Variants in SHROOM3 observed in about 807,000 individuals in gnomAD.
SHROOM3 encodes protein Shroom3.
Under a neutral mutation model 138.6 loss-of-function variants are expected in SHROOM3, and 47 were observed. The ratio of observed to expected loss-of-function variants is 0.34; its 90% CI spans 0.27 to 0.43. SHROOM3 has a LOEUF of 0.43. Among genes scored for constraint, SHROOM3 ranks in the 20% least tolerant of loss-of-function variants. The pLI, the probability that SHROOM3 is intolerant of heterozygous loss-of-function variation, is 1.00. For missense variants in SHROOM3, 2,491 were observed against 2,596.5 expected (o/e 0.96, Z 0.88); for synonymous variants, 1,062 against 1,063.3 (o/e 1.00, Z 0.02).
At chr4:76,761,404 T>C (rs1721984679) in intron 9 of SHROOM3, among the ~76,000 whole-genome samples, 1 of 152,238 alleles carries the variant, frequency 6.6e-6, no homozygotes, top group Non-Finnish European at 1.5e-5. Flanking sequence ...AAGTGTGGGC[T>C]ATGTATTTGA....
At chr4:76,688,960 G>GAT in intron 2 of SHROOM3, 1 of 830,154 alleles carries the variant, frequency 1.2e-6, no homozygotes, top group Non-Finnish European at 1.4e-6. Flanking sequence ...TGTAATGCGA[G>GAT]CTTTTTTTTT....
chr4:76,442,075 T>A (rs1034309901), intron 1 of SHROOM3, among the ~76,000 whole-genome samples: 1 of 152,250 alleles, frequency 6.6e-6, no homozygotes, highest in African/African-American at 2.4e-5. Flanking sequence ...AGGTAGTTGT[T>A]TGCATTTGGC....
chr4:76,671,295 C>T (rs1038595987), intron 2 of SHROOM3, among the ~76,000 whole-genome samples: 1 of 152,250 alleles, frequency 6.6e-6, no homozygotes, highest in African/African-American at 2.4e-5. Context: ...GTGTCCACTA[C>T]AACCATAGTG....
At chr4:76,693,236 A>G (rs1353880968) in intron 2 of SHROOM3, among the ~76,000 whole-genome samples, 1 of 152,172 alleles carries the variant, frequency 6.6e-6, no homozygotes, top group African/African-American at 2.4e-5. Flanking sequence ...TGATAAATAT[A>G]ATATGTGATT....
At chr4:76,558,269 T>G (rs999924814) in intron 2 of SHROOM3, among the ~76,000 whole-genome samples, 2 of 152,214 alleles carry the variant, frequency 1.3e-5, no homozygotes, top group Non-Finnish European at 2.9e-5. Flanking sequence ...TGAAATCTGG[T>G]CTGGTTATTT....
intron 4 of SHROOM3, among the ~76,000 whole-genome samples, chr4:76,735,041 T>A (rs965101564): frequency 4.6e-5 from 7 of 152,148 alleles, no homozygotes; most frequent in African/African-American, 1.7e-4. Flanking sequence ...TTTCCTGGGT[T>A]TGAGTTTCAA....
Position 76,710,145 on chromosome 4 carries a change from A to G in SHROOM3, c.324-11A>G, listed in dbSNP as rs1253578995. ...ATCATGCTCAGCTTCTTCTTTTCCTATTGTTGACAGAGATGTGTGCACAGA... is the reference window on the plus strand; with the variant it reads ...ATCATGCTCAGCTTCTTCTTTTCCTGTTGTTGACAGAGATGTGTGCACAGA... On this transcript the variant is annotated splice_polypyrimidine_tract_variant and intron_variant, in intron 2 of 10. Coordinates refer to ENST00000296043, the MANE Select transcript of SHROOM3 (RefSeq NM_020859.4). 5.6e-6 allele frequency: 9 copies of G among 1,613,604 alleles called. No homozygotes were observed. The highest frequency in any genetic ancestry group is 5.3e-5 in the African/African-American group (4 of 74,820).
intron 2 of SHROOM3, among the ~76,000 whole-genome samples, chr4:76,605,687 A>G (rs1577913857): frequency 6.6e-6 from 1 of 152,156 alleles, no homozygotes; most frequent in Admixed American, 6.5e-5. Context: ...AGAGGGGGAA[A>G]ATATTTTTTC....
intron 2 of SHROOM3, among the ~76,000 whole-genome samples, chr4:76,654,806 A>G (rs1056999367): frequency 6.6e-6 from 1 of 152,164 alleles, no homozygotes; most frequent in African/African-American, 2.4e-5. Context: ...TAGTGATGGT[A>G]ATTATTGTAT....
intron 2 of SHROOM3, among the ~76,000 whole-genome samples, chr4:76,639,033 G>A (rs982487613): frequency 3.3e-5 from 5 of 152,080 alleles, no homozygotes; most frequent in African/African-American, 7.2e-5. Context: ...TGTAGATACC[G>A]AAGTGAGCTT....
intron 1 of SHROOM3, among the ~76,000 whole-genome samples, chr4:76,488,944 C>T (rs1731793548): frequency 6.6e-6 from 1 of 152,224 alleles, no homozygotes; most frequent in African/African-American, 2.4e-5. Flanking sequence ...AATGTGAGCC[C>T]AGGTGGTCTA....
chr4:76,467,830 A>C (rs1731278757), intron 1 of SHROOM3, among the ~76,000 whole-genome samples: 1 of 152,192 alleles, frequency 6.6e-6, no homozygotes. Context: ...GGCTTGAGGG[A>C]AGTTAGTACC....
In SHROOM3 at chr4:76,774,708, G is replaced by GTTT. The variant is rs1158392432; in HGVS notation, c.5622+3810_5622+3811insTTT. Among the ~76,000 whole-genome samples the GTTT allele has an allele frequency of 4.5e-5, 6 of 133,470 alleles. 1 individual carries two copies. Among genetic ancestry groups the GTTT allele is most frequent in the Non-Finnish European group, 4.9e-5 (3 of 61,302 alleles). 87.6% of individuals were successfully genotyped at this position (133,470 alleles called of 152,430 possible). ...AATTCAGTCCCTCAGGGTTTTTTGG[G>GTTT]GTTTTTTTTTTGTTTTTTTTTTTTT... On this transcript the variant is annotated intron_variant, in intron 10 of 10. Coordinates refer to ENST00000296043, the MANE Select transcript of SHROOM3 (RefSeq NM_020859.4).
At chr4:76,519,983 A>G (rs981862172) in intron 1 of SHROOM3, among the ~76,000 whole-genome samples, 2 of 152,096 alleles carry the variant, frequency 1.3e-5, no homozygotes, top group Non-Finnish European at 2.9e-5. Flanking sequence ...GATGTATTTG[A>G]TTATAGACAC....
Position 76,754,795 on chromosome 4 carries a change from A to G in SHROOM3, c.4312A>G (p.Arg1438Gly), listed in dbSNP as rs370290584. Residue 1438 changes from arginine to glycine, a missense_variant, in exon 7 of 11, where the codon AGA becomes GGA. Around this residue, in one of 4 missense-constraint regions of SHROOM3, gnomAD observed 1,733 missense variants for 1,661.6 expected, o/e 1.04. Transcript: ENST00000296043. Reference protein sequence around the residue: ...PSRAKWAHAAREDSLPEESSA... With the variant: ...PSRAKWAHAAGEDSLPEESSA... Reference sequence around the variant, plus strand: ...TCGAGCAAAGTGGGCCCACGCAGCCAGAGAGGACAGCCTTCCTGAGGAATC... The same window carrying G: ...TCGAGCAAAGTGGGCCCACGCAGCCGGAGAGGACAGCCTTCCTGAGGAATC... 2.5e-6 allele frequency: 4 copies of G among 1,614,088 alleles called. No individual in the cohort carries two copies. In the African/African-American group the frequency reaches 5.3e-5, roughly 22 times the overall value.
intron 2 of SHROOM3, among the ~76,000 whole-genome samples, chr4:76,593,613 T>C (rs1734320934): frequency 6.6e-6 from 1 of 152,214 alleles, no homozygotes; most frequent in African/African-American, 2.4e-5. Flanking sequence ...CTCTAATTAG[T>C]AAGCAAAGTA....
Position 76,484,770 on chromosome 4 carries a change from C to G in SHROOM3, c.168+48550C>G, listed in dbSNP as rs76962035. On this transcript the variant is annotated intron_variant, in intron 1 of 10. Coordinates refer to ENST00000296043, the MANE Select transcript of SHROOM3 (RefSeq NM_020859.4). ...CAAAAAAGTAAGAGGATTGTAATTA[C>G]AGTCTAAGCTTCGGAGCTGGTTGGG... Among the ~76,000 whole-genome samples the G allele has an allele frequency of 1.7e-3, 255 of 152,300 alleles. 1 individual carries two copies. The highest frequency in any genetic ancestry group is 5.9e-3 in the African/African-American group (246 of 41,566).
chr4:76,656,501 T>A lies in SHROOM3; in HGVS notation c.324-53655T>A, dbSNP rs1033311983. ...TGCTGGATTTTATTCACTCTTTATA[T>A]CTCAGTGTCATAGGCCCTTTCTAAC... On this transcript the variant is annotated intron_variant, in intron 2 of 10. Coordinates refer to ENST00000296043, the MANE Select transcript of SHROOM3 (RefSeq NM_020859.4). Among the ~76,000 whole-genome samples, 5 of 152,352 alleles carry A rather than the reference T, an allele frequency of 3.3e-5. No homozygotes were observed. The East Asian group carries it at 9.6e-4, about 29-fold the overall frequency.
chr4:76,525,603 T>C (rs1579212591), intron 1 of SHROOM3, among the ~76,000 whole-genome samples: 1 of 152,220 alleles, frequency 6.6e-6, no homozygotes, highest in African/African-American at 2.4e-5. Flanking sequence ...TTATTTACCA[T>C]GATGTAACCT....
Sources: allele counts gnomAD v4.1 joint callset (sites outside exome capture counted in the v4.1 genomes callset), GRCh38; gene constraint gnomAD v4.1.1; regional missense constraint gnomAD v4.1.1; transcripts MANE v1.5; gene names NCBI Gene and HGNC (gene_info 2026-07-23, HGNC 2026-07-21).